Variants in ZNF18 observed in about 807,000 individuals in gnomAD.
ZNF18 encodes the protein heart development-specific gene 1 protein.
In ZNF18, 42 loss-of-function variants were observed where a neutral mutation model predicts 58.1. The ratio of observed to expected loss-of-function variants is 0.72; its 90% CI spans 0.56 to 0.93. The LOEUF (loss-of-function observed/expected upper bound fraction) is 0.93, where lower values mean the gene tolerates loss of function less well. ZNF18 is among the 40% of genes least tolerant of loss of function. ZNF18 has a pLI of 0.00. For missense variants in ZNF18, 540 were observed against 644.2 expected (o/e 0.84, Z 1.75); for synonymous variants, 231 against 239.8 (o/e 0.96, Z 0.34).
the ZNF18 span, among the ~76,000 whole-genome samples, chr17:12,015,064 A>C: frequency 1.1e-4 from 16 of 151,972 alleles, no homozygotes; most frequent in South Asian, 8.3e-4. Flanking sequence ...AACAAAAAAA[A>C]CCCCACTGAA....
the ZNF18 span, chr17:12,021,051 G>T: frequency 9.0e-7 from 1 of 1,112,612 alleles, no homozygotes; most frequent in South Asian, 4.5e-5. Flanking sequence ...GCGGCAACCC[G>T]CGTCGTCGCG....
chr17:12,011,760 G>A, the ZNF18 span, among the ~76,000 whole-genome samples: 3 of 148,210 alleles, frequency 2.0e-5, no homozygotes, highest in Non-Finnish European at 1.5e-5. Flanking sequence ...GAGTGCAGTG[G>A]CACGATCTTG....
chr17:12,010,115 C>G, the ZNF18 span, among the ~76,000 whole-genome samples: 1 of 151,740 alleles, frequency 6.6e-6, no homozygotes, highest in African/African-American at 2.4e-5. Flanking sequence ...TTTCACAAGA[C>G]TTTATTCTCA....
the ZNF18 span, among the ~76,000 whole-genome samples, chr17:12,009,505 C>T: frequency 4.7e-5 from 7 of 149,752 alleles, no homozygotes; most frequent in South Asian, 2.1e-4. Flanking sequence ...CAGGCTGGAG[C>T]GCAGTGGCAT....
In ZNF18 at chr17:11,992,584, C is replaced by G. The variant is rs1435284670; in HGVS notation, c.246G>C (p.Glu82Asp). The G allele has an allele frequency of 1.2e-6, 2 of 1,614,108 alleles. No individual in the cohort carries two copies. The highest frequency in any genetic ancestry group is 1.7e-6 in the Non-Finnish European group (2 of 1,180,050). ...TCAGAAACTGCTCCAACATGAGGATCTCTAGGATCTGCTCTTTGGTGTGAA... is the reference window on the plus strand; with the variant it reads ...TCAGAAACTGCTCCAACATGAGGATGTCTAGGATCTGCTCTTTGGTGTGAA... ...PEVHTKEQIL[E>D]ILMLEQFLTI... The change falls in exon 2 of 7, where the codon GAG becomes GAC. Residue 82 changes from glutamate to aspartate, a missense_variant. Transcript: ENST00000580306.
At chr17:12,015,735 T>C in the ZNF18 span, among the ~76,000 whole-genome samples, 2 of 152,152 alleles carry the variant, frequency 1.3e-5, no homozygotes, top group Non-Finnish European at 2.9e-5. Context: ...GATATCAGCA[T>C]TATGTCCTGT....
At chr17:11,981,047 T>C (rs1261692553) in intron 6 of ZNF18, among the ~76,000 whole-genome samples, 1 of 152,186 alleles carries the variant, frequency 6.6e-6, no homozygotes, top group Non-Finnish European at 1.5e-5. Context: ...TTCTTCCATA[T>C]GGTCAACTAT....
chr17:12,014,320 G>A, the ZNF18 span, among the ~76,000 whole-genome samples: 1 of 152,152 alleles, frequency 6.6e-6, no homozygotes, highest in Admixed American at 6.5e-5. Context: ...TATGTCCACA[G>A]GAAAACTTGT....
chr17:12,015,456 G>C, the ZNF18 span, among the ~76,000 whole-genome samples: 1 of 152,122 alleles, frequency 6.6e-6, no homozygotes, highest in African/African-American at 2.4e-5. Context: ...TACAGTACTT[G>C]GTTTGTTATT....
At chr17:11,995,104 T>G (rs7224202) in intron 1 of ZNF18, among the ~76,000 whole-genome samples, 58,220 of 151,960 alleles carry the variant, frequency 0.38, 11,699 homozygotes, top group East Asian at 0.57. Context: ...TTAAATTTAT[T>G]TTTTGCTTAA....
chr17:11,982,007 G>A (rs1317445199), intron 6 of ZNF18, among the ~76,000 whole-genome samples: 1 of 151,932 alleles, frequency 6.6e-6, no homozygotes, highest in African/African-American at 2.4e-5. Flanking sequence ...GATGGGATTA[G>A]TTTCCTGTCT....
At chr17:12,000,552 T>C (rs1255279380), upstream of ZNF18, among the ~76,000 whole-genome samples, 1 of 151,990 alleles carries the variant, frequency 6.6e-6, no homozygotes, top group Non-Finnish European at 1.5e-5. Flanking sequence ...CTACTAAAAA[T>C]ACAAAATTAG....
chr17:12,003,415 G>T, the ZNF18 span, among the ~76,000 whole-genome samples: 1 of 150,942 alleles, frequency 6.6e-6, no homozygotes, highest in Non-Finnish European at 1.5e-5. Context: ...ACTCCAGCCC[G>T]GGTGACAGTG....
chr17:11,987,541 T>C (rs1305997654), intron 4 of ZNF18, among the ~76,000 whole-genome samples: 2 of 152,204 alleles, frequency 1.3e-5, no homozygotes, highest in Non-Finnish European at 2.9e-5. Context: ...GCTAACTAGT[T>C]ATCATCTGAA....
the ZNF18 span, among the ~76,000 whole-genome samples, chr17:12,017,052 G>A: frequency 6.6e-6 from 1 of 151,772 alleles, no homozygotes; most frequent in South Asian, 2.1e-4. Context: ...CAAAAAATTA[G>A]CTGGGCATGG....
chr17:12,016,675 T>C, the ZNF18 span, among the ~76,000 whole-genome samples: 1 of 151,268 alleles, frequency 6.6e-6, no homozygotes, highest in Non-Finnish European at 1.5e-5. Flanking sequence ...GAATACAGAG[T>C]ATGTGGACAG....
chr17:11,997,372 T>G (rs1480545808), intron 1 of ZNF18, 59 bp downstream of exon 1: 2 of 152,254 alleles, frequency 1.3e-5, no homozygotes, highest in East Asian at 1.9e-4. Flanking sequence ...CGGACGCAGA[T>G]AGCGCAAGGC....
chr17:12,015,689 G>T, the ZNF18 span, among the ~76,000 whole-genome samples: 1 of 151,736 alleles, frequency 6.6e-6, no homozygotes, highest in South Asian at 2.1e-4. Context: ...TATCCCTCTC[G>T]CCTATCATTC....
At chr17:12,014,017 C>T in the ZNF18 span, among the ~76,000 whole-genome samples, 1 of 152,200 alleles carries the variant, frequency 6.6e-6, no homozygotes, top group African/African-American at 2.4e-5. Flanking sequence ...ACATATATTT[C>T]ATTTTTAGTT....
Sources: gnomAD v4.1 joint callset for allele counts (sites outside exome capture counted in the v4.1 genomes callset) on GRCh38, gnomAD v4.1.1 for gene constraint, MANE v1.5 for transcripts, NCBI Gene and HGNC (gene_info 2026-07-23, HGNC 2026-07-21) for gene names.